KLHL26: variants seen among roughly 807,000 people sequenced by gnomAD.
The protein encoded by KLHL26 is kelch like family member 26, also known as kelch-like protein 26.
A neutral mutation model predicts 7.1 loss-of-function variants in KLHL26; 4 were observed. The ratio of observed to expected loss-of-function variants is 0.56; its 90% CI spans 0.28 to 1.28. The LOEUF (loss-of-function observed/expected upper bound fraction) is 1.28, where lower values mean the gene tolerates loss of function less well. Among genes scored for constraint, KLHL26 ranks in the 50% most tolerant of loss-of-function variants. The pLI, the probability that KLHL26 is intolerant of heterozygous loss-of-function variation, is 0.11. For synonymous variants in KLHL26, 465 were observed against 414.1 expected (o/e 1.12, Z -1.49); for missense variants, 896 against 924.6 (o/e 0.97, Z 0.40).
rs118022252 is a variant in KLHL26 at position 18,640,016 on chromosome 19, G to A, written c.83+2879G>A. The stretch of plus-strand genomic sequence containing the variant: ...AATTTGTTCTTTTTCACTGTGGAGT[G>A]AAAATAAACAAACTGTGTCCGTCCA... On this transcript the variant is annotated intron_variant, in intron 1 of 2. Transcript: ENST00000300976. 7.1e-4 allele frequency among the ~76,000 whole-genome samples: 107 copies of A among 151,328 alleles called. 2 individuals carry two copies. The East Asian group carries it at 0.018, about 26-fold the overall frequency.
intron 1 of KLHL26, among the ~76,000 whole-genome samples, chr19:18,639,336 A>C (rs1471846322): frequency 6.6e-6 from 1 of 151,418 alleles, no homozygotes; most frequent in African/African-American, 2.4e-5. Context: ...TCGGCCTCCC[A>C]AAGTGCTGGG....
chr19:18,641,243 T>C lies in KLHL26; in HGVS notation c.83+4106T>C, dbSNP rs557096672. 4.5e-4 allele frequency among the ~76,000 whole-genome samples: 69 copies of C among 152,108 alleles called. 1 individual carries two copies. Among genetic ancestry groups the C allele is most frequent in the Non-Finnish European group, 7.6e-4 (52 of 68,012 alleles). On this transcript the variant is annotated intron_variant, in intron 1 of 2. Transcript: ENST00000300976. ...ACTAATGATGTTGGACAGTTTTTCA[T>C]GAGCTTCTTAGCTATTCATCTCTTT...
chr19:18,669,335 C>T lies in KLHL26; in HGVS notation c.*90C>T, dbSNP rs1444738406. 11 of 1,048,598 alleles carry T rather than the reference C, an allele frequency of 1.0e-5. No homozygotes were observed. The highest frequency in any genetic ancestry group is 1.4e-5 in the Non-Finnish European group (10 of 711,982). 65.0% of individuals were successfully genotyped at this position (1,048,598 alleles called of 1,614,324 possible). On this transcript the variant is annotated 3_prime_UTR_variant, in exon 3 of 3. Coordinates refer to ENST00000300976, the MANE Select transcript of KLHL26 (RefSeq NM_018316.3). ...ACGTCTGCCTGAGAACCCCAGTGCCCCCCTTCGCCCGGGCTGCCCTTGAGG... is the reference window on the plus strand; with the variant it reads ...ACGTCTGCCTGAGAACCCCAGTGCCTCCCTTCGCCCGGGCTGCCCTTGAGG...
intron 1 of KLHL26, 117 bp from the exon 2 acceptor site, chr19:18,664,144 T>C: frequency 1.2e-6 from 1 of 824,026 alleles, no homozygotes; most frequent in Non-Finnish European, 1.7e-6. Context: ...TTCACGTCAG[T>C]GGAGTCATAC....
chr19:18,668,167 A>C lies in KLHL26; in HGVS notation c.770A>C (p.Gln257Pro). 6.2e-7 allele frequency: 1 copy of C among 1,609,528 alleles called. No homozygotes were observed. The change falls in exon 3 of 3, where the codon CAG (glutamine) becomes CCG (proline). Residue 257 changes from glutamine to proline, a missense_variant. By Grantham distance (76) the Gln-to-Pro change is moderately conservative (BLOSUM62 -1). Transcript: ENST00000300976. ...VLCHIRFPLMQSSELVDSVQT... is the reference protein window; with the variant it reads ...VLCHIRFPLMPSSELVDSVQT... ...TGCCACATTCGCTTCCCGCTCATGC[A>C]GTCGTCCGAGCTGGTGGACAGCGTG...
At chr19:18,644,180 C>A (rs1020595585) in intron 1 of KLHL26, among the ~76,000 whole-genome samples, 8 of 152,192 alleles carry the variant, frequency 5.3e-5, no homozygotes, top group Non-Finnish European at 1.2e-4. Context: ...TTGAGTCTGG[C>A]TTCTTTCACT....
rs2052470299 is a variant in KLHL26 at position 18,667,961 on chromosome 19, C to T, written c.564C>T (p.Thr188=). 2 of 1,609,080 alleles carry T rather than the reference C, an allele frequency of 1.2e-6. No individual in the cohort carries two copies. The highest frequency in any genetic ancestry group is 1.7e-6 in the Non-Finnish European group (2 of 1,179,976). Residue 188 remains threonine, a synonymous_variant, in exon 3 of 3, where the codon ACC becomes ACT. Coordinates refer to ENST00000300976, the MANE Select transcript of KLHL26 (RefSeq NM_018316.3). ...ASLRESVDAF[T]FRHFLQIAEE... is the part of the protein sequence containing the mutation. ...TGCGAGAGTCGGTGGATGCCTTCAC[C>T]TTCCGGCACTTCCTGCAGATCGCCG...
intron 1 of KLHL26, among the ~76,000 whole-genome samples, chr19:18,647,651 AAGAG>A (rs938976263): frequency 1.3e-5 from 2 of 150,898 alleles, no homozygotes; most frequent in Non-Finnish European, 3.0e-5. Flanking sequence ...AGGAGGAGGA[AAGAG>A]AGAGGAGGAG....
rs187671226 is a variant in KLHL26 at position 18,659,451 on chromosome 19, A to G, written c.84-4810A>G. Among the ~76,000 whole-genome samples the G allele has an allele frequency of 2.5e-3, 376 of 152,362 alleles. 3 individuals carry two copies. The highest frequency in any genetic ancestry group is 8.5e-3 in the African/African-American group (354 of 41,588). On this transcript the variant is annotated intron_variant, in intron 1 of 2. Coordinates refer to ENST00000300976, the MANE Select transcript of KLHL26 (RefSeq NM_018316.3). ...TGTGCTCCTTCGAGCCACATGGACA[A>G]TAAAACCAAAATTGGCTTTGAAAGT...
rs184482618 is a variant in KLHL26, at chr19:18,640,454, G to T, written c.83+3317G>T. Among the ~76,000 whole-genome samples, 1,115 of 152,088 alleles carry T rather than the reference G, an allele frequency of 7.3e-3. 29 individuals are homozygous for T. The highest frequency in any genetic ancestry group is 0.043 in the Admixed American group (662 of 15,260). On this transcript the variant is annotated intron_variant, in intron 1 of 2. Coordinates refer to ENST00000300976, the MANE Select transcript of KLHL26 (RefSeq NM_018316.3). ...GACAAAGTCTTGCCATGTTGCCCAGGCTGGTCTTGAATTCCAGGGCTCAAG... is the reference window on the plus strand; with the variant it reads ...GACAAAGTCTTGCCATGTTGCCCAGTCTGGTCTTGAATTCCAGGGCTCAAG...
rs1027228615 is a variant in KLHL26, at chr19:18,649,801, C to A, written c.83+12664C>A. On this transcript the variant is annotated intron_variant, in intron 1 of 2. Coordinates refer to ENST00000300976, the MANE Select transcript of KLHL26 (RefSeq NM_018316.3). The surrounding 1 kb of genome is among the most constrained non-coding windows in gnomAD (Gnocchi z 4.0). ...CCACATGTCTCTCCGGAGAGGGCCG[C>A]ACAGAATTCACAGGACTCGTCTCCA... 1.3e-5 allele frequency among the ~76,000 whole-genome samples: 2 copies of A among 152,168 alleles called. No individual in the cohort carries two copies. The highest frequency in any genetic ancestry group is 4.8e-5 in the African/African-American group (2 of 41,440).
chr19:18,650,299 C>A lies in KLHL26; in HGVS notation c.83+13162C>A, dbSNP rs372570396. Among the ~76,000 whole-genome samples, 2 of 152,156 alleles carry A rather than the reference C, an allele frequency of 1.3e-5. No individual in the cohort carries two copies. The highest frequency in any genetic ancestry group is 2.9e-5 in the Non-Finnish European group (2 of 68,026). On this transcript the variant is annotated intron_variant, in intron 1 of 2. Coordinates refer to ENST00000300976, the MANE Select transcript of KLHL26 (RefSeq NM_018316.3). This position sits in a 1 kb window ranked among gnomAD's most constrained non-coding sequence, Gnocchi z 4.2. ...CAGAGAGGCATGTGATCACCCAGAT[C>A]GTCTGAGAGCGGGACATTTTCCCGG...
chr19:18,668,231 C>A lies in KLHL26; in HGVS notation c.834C>A (p.Arg278=). The stretch of plus-strand genomic sequence containing the variant: ...TCATGGTGGAGGACGTGCTGTGCCG[C>A]CAGTATCTGCTGGAGGCCTTCAACT... ...LDIMVEDVLC[R]QYLLEAFNYQ... Residue 278 remains arginine (R), a synonymous_variant, in exon 3 of 3, where the codon CGC becomes CGA. Transcript: ENST00000300976. The A allele has an allele frequency of 1.2e-6, 2 of 1,612,196 alleles. No homozygotes were observed. The highest frequency in any genetic ancestry group is 1.7e-6 in the Non-Finnish European group (2 of 1,179,878).
At chr19:18,666,060 C>T (rs992086511) in intron 2 of KLHL26, among the ~76,000 whole-genome samples, 1 of 152,268 alleles carries the variant, frequency 6.6e-6, no homozygotes, top group African/African-American at 2.4e-5. Flanking sequence ...CCAGCGAGAC[C>T]TTAAAAGGCA....
intron 1 of KLHL26, among the ~76,000 whole-genome samples, chr19:18,645,350 C>A (rs184700590): frequency 2.4e-4 from 37 of 152,272 alleles, no homozygotes; most frequent in Admixed American, 1.9e-3. Context: ...TTTGGAGGAA[C>A]CTTCTGGCCT....
chr19:18,669,017 C>T lies in KLHL26; in HGVS notation c.1620C>T (p.Thr540=). ...EYYVPETDQW[T]SVSPMRAGQS... is the part of the protein sequence containing the mutation. ...ATGTGCCGGAGACGGACCAGTGGAC[C>T]AGCGTGAGCCCCATGCGGGCCGGCC... Residue 540 remains threonine (T), a synonymous_variant, in exon 3 of 3, where the codon ACC becomes ACT. Transcript: ENST00000300976. 1.2e-6 allele frequency: 2 copies of T among 1,612,750 alleles called. No individual in the cohort carries two copies. Among genetic ancestry groups the T allele is most frequent in the Non-Finnish European group, 1.7e-6 (2 of 1,179,946 alleles).
chr19:18,639,327 C>T (rs1184420897), intron 1 of KLHL26, among the ~76,000 whole-genome samples: 4 of 151,710 alleles, frequency 2.6e-5, no homozygotes, highest in African/African-American at 9.7e-5. Context: ...CCACCCGCCT[C>T]GGCCTCCCAA....
intron 2 of KLHL26, chr19:18,667,348 G>A: frequency 7.9e-6 from 3 of 380,038 alleles, no homozygotes; most frequent in Non-Finnish European, 1.5e-5. Context: ...GCATGTTTTT[G>A]TTTGTTTGTT....
At chr19:18,641,448 A>C (rs959007647) in intron 1 of KLHL26, among the ~76,000 whole-genome samples, 6 of 150,264 alleles carry the variant, frequency 4.0e-5, no homozygotes, top group Non-Finnish European at 7.4e-5. Context: ...CCTCCCGAGT[A>C]GCTGGGATTA....
Sources: allele counts gnomAD v4.1 joint callset (sites outside exome capture counted in the v4.1 genomes callset), GRCh38; gene constraint gnomAD v4.1.1; non-coding constraint Gnocchi (gnomAD v3.1); transcripts MANE v1.5; gene names NCBI Gene and HGNC (gene_info 2026-07-23, HGNC 2026-07-21).